CNTNAP2: variants seen among roughly 807,000 people sequenced by gnomAD.
The protein encoded by CNTNAP2 is contactin-associated protein-like 2.
CNTNAP2 carries 98 observed loss-of-function variants against 155.2 expected under a neutral mutation model. The observed-to-expected ratio is 0.63, with a 90% CI of 0.54 to 0.75. CNTNAP2 has a LOEUF of 0.75. Ranked by LOEUF, CNTNAP2 falls within the 30% of genes least tolerant of loss-of-function variation. The probability of loss-of-function intolerance (pLI) is 0.00; values close to 1 mark genes in which losing one functional copy is unlikely to be tolerated. For missense variants in CNTNAP2, 1,727 were observed against 1,688.1 expected, an observed-to-expected ratio of 1.02 and a Z score of -0.40; for synonymous variants, 651 against 631.2, an observed-to-expected ratio of 1.03 and a Z score of -0.47.
chr7:147,410,956 G>T (rs546901081), intron 10 of CNTNAP2, among the ~76,000 whole-genome samples: 75 of 152,274 alleles, frequency 4.9e-4, no homozygotes, highest in Admixed American at 4.3e-3. Context: ...TAGCTTCTTT[G>T]TTGGTCTTGT....
chr7:146,655,413 CAAAAAA>C (rs66710703), intron 1 of CNTNAP2, among the ~76,000 whole-genome samples: 925 of 74,324 alleles, frequency 0.012, 4 homozygotes, highest in African/African-American at 0.045. Context: ...GACTCTGTCT[CAAAAAA>C]AAAAAAAAAA....
intron 13 of CNTNAP2, among the ~76,000 whole-genome samples, chr7:147,749,670 G>A (rs1051227367): frequency 6.6e-6 from 1 of 152,088 alleles, no homozygotes; most frequent in Non-Finnish European, 1.5e-5. Context: ...AAATCACCTA[G>A]TAAACATTTA....
intron 1 of CNTNAP2, among the ~76,000 whole-genome samples, chr7:146,708,412 G>A (rs1163845869): frequency 2.0e-5 from 3 of 151,370 alleles, no homozygotes; most frequent in African/African-American, 7.3e-5. Flanking sequence ...TTCTCTCTTA[G>A]GAGACTTTTG....
At chr7:146,997,702 C>CT (rs1200138134) in intron 3 of CNTNAP2, among the ~76,000 whole-genome samples, 1 of 151,956 alleles carries the variant, frequency 6.6e-6, no homozygotes, top group Non-Finnish European at 1.5e-5. Flanking sequence ...TGATGGGAGA[C>CT]TTTTTATTTC....
At chr7:147,817,300 G>A (rs939101354) in intron 13 of CNTNAP2, among the ~76,000 whole-genome samples, 9 of 152,230 alleles carry the variant, frequency 5.9e-5, no homozygotes, top group Non-Finnish European at 8.8e-5. Flanking sequence ...TTTTGAAACC[G>A]TTAGAAAAAT....
At chr7:146,554,962 A>G (rs1798175768) in intron 1 of CNTNAP2, among the ~76,000 whole-genome samples, 1 of 152,170 alleles carries the variant, frequency 6.6e-6, no homozygotes, top group African/African-American at 2.4e-5. Flanking sequence ...CTTACGTATT[A>G]TTTGTCCCAT....
chr7:147,582,303 T>C (rs1800517375), intron 12 of CNTNAP2, among the ~76,000 whole-genome samples: 1 of 152,142 alleles, frequency 6.6e-6, no homozygotes, highest in South Asian at 2.1e-4. Flanking sequence ...TAAAATGTAA[T>C]CTCTGTTTCA....
chr7:147,171,721 C>G (rs1006726215), intron 8 of CNTNAP2, among the ~76,000 whole-genome samples: 1 of 152,018 alleles, frequency 6.6e-6, no homozygotes, highest in Non-Finnish European at 1.5e-5. Flanking sequence ...TGTAAATTAC[C>G]TTATATATTT....
chr7:146,978,522 G>C (rs1044910204), intron 3 of CNTNAP2, among the ~76,000 whole-genome samples: 2 of 152,026 alleles, frequency 1.3e-5, no homozygotes, highest in African/African-American at 4.8e-5. Context: ...CTAGCCTTGG[G>C]AACATATTTG....
At chr7:148,405,815 C>T (rs1020474204) in intron 22 of CNTNAP2, among the ~76,000 whole-genome samples, 11 of 151,188 alleles carry the variant, frequency 7.3e-5, no homozygotes, top group Non-Finnish European at 5.9e-5. Context: ...GGGGTTTCAC[C>T]ATGTTGGCCA....
intron 13 of CNTNAP2, among the ~76,000 whole-genome samples, chr7:147,806,775 T>A (rs1310545664): frequency 6.6e-6 from 1 of 152,142 alleles, no homozygotes; most frequent in Non-Finnish European, 1.5e-5. Context: ...ATATTCTCAC[T>A]CATGAGTGGG....
At chr7:147,578,061 A>G (rs1465053297) in intron 12 of CNTNAP2, among the ~76,000 whole-genome samples, 1 of 152,074 alleles carries the variant, frequency 6.6e-6, no homozygotes, top group East Asian at 1.9e-4. Context: ...ATCTATCTGT[A>G]TGTAACTATG....
At chr7:146,867,805 G>T (rs1795235321) in intron 3 of CNTNAP2, among the ~76,000 whole-genome samples, 1 of 149,028 alleles carries the variant, frequency 6.7e-6, no homozygotes, top group Non-Finnish European at 1.5e-5. Flanking sequence ...ATGCTCGTTG[G>T]CTGCATGAAT....
At chr7:147,234,630 C>T (rs1205369358) in intron 8 of CNTNAP2, among the ~76,000 whole-genome samples, 2 of 152,086 alleles carry the variant, frequency 1.3e-5, no homozygotes, top group Admixed American at 6.5e-5. Context: ...TGAGCCACCG[C>T]GCCCGGCCCA....
At chr7:146,520,156 A>C (rs1420546182) in intron 1 of CNTNAP2, among the ~76,000 whole-genome samples, 1 of 151,438 alleles carries the variant, frequency 6.6e-6, no homozygotes, top group African/African-American at 2.4e-5. Context: ...TTTAATGAAT[A>C]AAAAAGATAT....
chr7:148,263,419 A>G (rs928192899), intron 20 of CNTNAP2, among the ~76,000 whole-genome samples: 2 of 152,058 alleles, frequency 1.3e-5, no homozygotes, highest in Admixed American at 6.6e-5. Flanking sequence ...CTCTGAGTAG[A>G]GGCTATTACT....
chr7:148,233,583 G>T (rs887269589), intron 20 of CNTNAP2, among the ~76,000 whole-genome samples: 4 of 152,086 alleles, frequency 2.6e-5, no homozygotes, highest in African/African-American at 9.7e-5. Flanking sequence ...TGTATTTACT[G>T]ACATAGAAAA....
intron 15 of CNTNAP2, among the ~76,000 whole-genome samples, chr7:148,037,116 C>T (rs780370699): frequency 3.9e-5 from 6 of 152,168 alleles, no homozygotes; most frequent in Non-Finnish European, 7.3e-5. Flanking sequence ...AGCTCAGAAT[C>T]CAGTATTGCC....
intron 21 of CNTNAP2, among the ~76,000 whole-genome samples, chr7:148,271,524 G>A (rs1334592152): frequency 1.3e-5 from 2 of 152,248 alleles, no homozygotes; most frequent in African/African-American, 2.4e-5. Context: ...TTTGAAAAGC[G>A]TGATTTGTGA....
Sources: allele counts gnomAD v4.1 joint callset (sites outside exome capture counted in the v4.1 genomes callset), GRCh38; gene constraint gnomAD v4.1.1; transcripts MANE v1.5; gene names NCBI Gene and HGNC (gene_info 2026-07-23, HGNC 2026-07-21).